The following RBFOX1 variants were observed in gnomAD, a reference collection of about 807,000 sequenced individuals.
The protein encoded by RBFOX1 is RNA binding fox-1 homolog 1, also known as RNA binding protein fox-1 homolog 1.
A neutral mutation model predicts 57.7 loss-of-function variants in RBFOX1; 8 were observed. The observed-to-expected ratio is 0.14, with a 90% CI of 0.08 to 0.25. The LOEUF is 0.25. RBFOX1 is among the 10% of genes least tolerant of loss of function. The pLI, the probability that RBFOX1 is intolerant of heterozygous loss-of-function variation, is 1.00. For synonymous variants in RBFOX1, 326 were observed against 222.4 expected (o/e 1.47, Z -4.15); for missense variants, 611 against 548.5 (o/e 1.11, Z -1.14).
At chr16:6,722,521 A>T (rs1479953888) in intron 3 of RBFOX1, among the ~76,000 whole-genome samples, 1 of 17,810 alleles carries the variant, frequency 5.6e-5, no homozygotes, top group Non-Finnish European at 4.8e-3. Context: ...AATACTTGGC[A>T]TTTTGCCAAG....
intron 3 of RBFOX1, among the ~76,000 whole-genome samples, chr16:5,720,994 G>C (rs2051910079): frequency 6.6e-6 from 1 of 152,154 alleles, no homozygotes. Context: ...GGTAGGGATT[G>C]TGTTAAATCT....
chr16:7,064,999 A>C (rs183236721), intron 4 of RBFOX1, among the ~76,000 whole-genome samples: 3 of 152,268 alleles, frequency 2.0e-5, no homozygotes, highest in East Asian at 3.9e-4. Flanking sequence ...ACATACAACA[A>C]ATCAGATGGA....
At chr16:5,788,436 C>T (rs773452304) in intron 3 of RBFOX1, among the ~76,000 whole-genome samples, 10 of 152,106 alleles carry the variant, frequency 6.6e-5, no homozygotes, top group Non-Finnish European at 1.3e-4. Context: ...TGAGATCAGC[C>T]TGGCCAATGT....
chr16:5,390,442 C>G (rs895156957), intron 1 of RBFOX1, among the ~76,000 whole-genome samples: 3 of 151,892 alleles, frequency 2.0e-5, no homozygotes, highest in African/African-American at 7.3e-5. Context: ...GCGCCCACGA[C>G]TACACTCGGC....
At chr16:5,405,702 G>C (rs1046289559) in intron 1 of RBFOX1, among the ~76,000 whole-genome samples, 2 of 152,230 alleles carry the variant, frequency 1.3e-5, no homozygotes, top group African/African-American at 2.4e-5. Context: ...ATGGGAGGCA[G>C]ACTTGGTTTG....
At chr16:7,480,727 A>C (rs1330392430) in intron 4 of RBFOX1, among the ~76,000 whole-genome samples, 1 of 152,178 alleles carries the variant, frequency 6.6e-6, no homozygotes, top group East Asian at 1.9e-4. Flanking sequence ...CTGCCCTCCG[A>C]GGGCACAGGC....
chr16:7,035,602 A>C (rs934757146), intron 3 of RBFOX1, among the ~76,000 whole-genome samples: 2 of 152,036 alleles, frequency 1.3e-5, no homozygotes, highest in Non-Finnish European at 2.9e-5. Context: ...TTGGTTTATT[A>C]TTATTATTAT....
intron 2 of RBFOX1, among the ~76,000 whole-genome samples, chr16:5,491,608 T>A (rs2042830267): frequency 6.6e-6 from 1 of 152,232 alleles, no homozygotes; most frequent in Non-Finnish European, 1.5e-5. Context: ...GTAATGCTGA[T>A]GAATCCTCAG....
intron 2 of RBFOX1, among the ~76,000 whole-genome samples, chr16:5,533,605 C>G (rs1172592907): frequency 6.6e-6 from 1 of 152,158 alleles, no homozygotes; most frequent in Admixed American, 6.5e-5. Flanking sequence ...GTAGACATCT[C>G]AGCATGGATG....
At chr16:7,653,751 C>G in intron 11 of RBFOX1, 64 bp from the exon 12 acceptor site, 1 of 1,598,010 alleles carries the variant, frequency 6.3e-7, no homozygotes, top group South Asian at 1.1e-5. Flanking sequence ...GGGCAGTTCC[C>G]TCCACAGCAG....
chr16:6,756,899 G>A (rs1989022), intron 3 of RBFOX1, among the ~76,000 whole-genome samples: 6 of 151,738 alleles, frequency 4.0e-5, no homozygotes, highest in African/African-American at 1.5e-4. Context: ...TGCTTGAACC[G>A]AGGGGATGGA....
intron 4 of RBFOX1, among the ~76,000 whole-genome samples, chr16:6,002,007 C>T (rs956387967): frequency 3.5e-5 from 5 of 144,830 alleles, no homozygotes; most frequent in Non-Finnish European, 7.5e-5. Context: ...TGCTCTGTCA[C>T]TCAGGCTGGA....
intron 2 of RBFOX1, among the ~76,000 whole-genome samples, chr16:6,376,699 T>G (rs2091220314): frequency 6.6e-6 from 1 of 152,172 alleles, no homozygotes; most frequent in Admixed American, 6.5e-5. Flanking sequence ...CTTCCTAGAT[T>G]GCAGTAAGAA....
At chr16:6,564,627 G>A (rs1457895890) in intron 2 of RBFOX1, among the ~76,000 whole-genome samples, 3 of 152,116 alleles carry the variant, frequency 2.0e-5, no homozygotes, top group African/African-American at 7.2e-5. Context: ...TAGAAAGGTG[G>A]TTGGCAAGGT....
chr16:6,893,148 A>T (rs1048884278), intron 3 of RBFOX1, among the ~76,000 whole-genome samples: 2 of 152,110 alleles, frequency 1.3e-5, no homozygotes, highest in African/African-American at 4.8e-5. Flanking sequence ...ATTGCCATTG[A>T]AACAGCTCTT....
intron 4 of RBFOX1, among the ~76,000 whole-genome samples, chr16:7,420,948 C>T (rs1418527262): frequency 8.8e-5 from 13 of 148,186 alleles, no homozygotes; most frequent in Non-Finnish European, 1.5e-5. Context: ...TACACACACA[C>T]ACACACACAC....
chr16:5,766,456 A>T (rs529953832), intron 3 of RBFOX1, among the ~76,000 whole-genome samples: 2 of 152,206 alleles, frequency 1.3e-5, no homozygotes, highest in African/African-American at 4.8e-5. Context: ...GTGGTGGCAC[A>T]TGCCTGTAGT....
At chr16:5,874,737 A>G (rs1432628101) in intron 4 of RBFOX1, among the ~76,000 whole-genome samples, 1 of 152,096 alleles carries the variant, frequency 6.6e-6, no homozygotes, top group Non-Finnish European at 1.5e-5. Context: ...TTGAACCAGG[A>G]GTTTGAGACC....
intron 3 of RBFOX1, among the ~76,000 whole-genome samples, chr16:6,705,969 G>C (rs2062665591): frequency 6.6e-6 from 1 of 152,198 alleles, no homozygotes; most frequent in Non-Finnish European, 1.5e-5. Context: ...AGTGAGTTAA[G>C]ATGGTGCCAC....
Sources: allele counts gnomAD v4.1 joint callset (sites outside exome capture counted in the v4.1 genomes callset), GRCh38; gene constraint gnomAD v4.1.1; transcripts MANE v1.5; gene names NCBI Gene and HGNC (gene_info 2026-07-23, HGNC 2026-07-21).